Variants in THSD4 observed in about 807,000 individuals in gnomAD.
The protein encoded by THSD4 is thrombospondin type 1 domain containing 4.
Under a neutral mutation model 119.0 loss-of-function variants are expected in THSD4, and 69 were observed. That is an observed-to-expected ratio of 0.58 (90% CI 0.48 to 0.71). The LOEUF (loss-of-function observed/expected upper bound fraction) is 0.71, where lower values mean the gene tolerates loss of function less well. Ranked by LOEUF, THSD4 falls within the 30% of genes least tolerant of loss-of-function variation. The pLI, the probability that THSD4 is intolerant of heterozygous loss-of-function variation, is 0.00. For missense variants in THSD4, 1,393 were observed against 1,391.1 expected (o/e 1.00, Z -0.02); for synonymous variants, 524 against 540.4 (o/e 0.97, Z 0.42).
intron 7 of THSD4, among the ~76,000 whole-genome samples, chr15:71,578,670 G>A (rs2049501352): frequency 6.6e-6 from 1 of 151,836 alleles, no homozygotes; most frequent in African/African-American, 2.4e-5. Flanking sequence ...CTTCTTAAGT[G>A]GCCTACGACG....
intron 6 of THSD4, among the ~76,000 whole-genome samples, chr15:71,338,688 A>G (rs1264421726): frequency 1.3e-5 from 2 of 152,248 alleles, no homozygotes; most frequent in East Asian, 3.9e-4. Flanking sequence ...TCTGTGCCCA[A>G]ACACTGAGAT....
At chr15:71,198,268 A>C (rs2043736962) in intron 3 of THSD4, among the ~76,000 whole-genome samples, 1 of 151,810 alleles carries the variant, frequency 6.6e-6, no homozygotes, top group African/African-American at 2.4e-5. Context: ...CACTGTCTTT[A>C]GAGAAAAAAA....
At chr15:71,500,567 A>G (rs2048095334) in intron 7 of THSD4, among the ~76,000 whole-genome samples, 1 of 152,206 alleles carries the variant, frequency 6.6e-6, no homozygotes, top group Non-Finnish European at 1.5e-5. Context: ...AATGTCACGA[A>G]GGTTTTCCAG....
At chr15:71,586,609 C>T (rs1437853957) in intron 7 of THSD4, among the ~76,000 whole-genome samples, 1 of 152,176 alleles carries the variant, frequency 6.6e-6, no homozygotes, top group African/African-American at 2.4e-5. Flanking sequence ...ATACTTCAAA[C>T]CTGTGACCAG....
intron 6 of THSD4, among the ~76,000 whole-genome samples, chr15:71,369,663 G>A (rs2046016043): frequency 6.6e-6 from 1 of 152,176 alleles, no homozygotes; most frequent in Non-Finnish European, 1.5e-5. Flanking sequence ...GCTTTTTGAT[G>A]TGCTGCTGGA....
chr15:71,402,210 C>G (rs2046545515), intron 6 of THSD4, among the ~76,000 whole-genome samples: 1 of 150,796 alleles, frequency 6.6e-6, no homozygotes, highest in African/African-American at 2.4e-5. Flanking sequence ...ATGTAACAAA[C>G]CTGTTAAAGT....
At chr15:71,176,074 A>C (rs1392374831) in intron 3 of THSD4, among the ~76,000 whole-genome samples, 20 of 141,594 alleles carry the variant, frequency 1.4e-4, no homozygotes, top group East Asian at 4.2e-4. Flanking sequence ...AAGAAACTGC[A>C]TCAACTAATG....
At chr15:71,623,104 T>C (rs2050447901) in intron 7 of THSD4, among the ~76,000 whole-genome samples, 1 of 152,066 alleles carries the variant, frequency 6.6e-6, no homozygotes, top group South Asian at 2.1e-4. Context: ...AGCCATATTT[T>C]AAGAAAATTA....
chr15:71,345,401 G>A (rs1272890643), intron 6 of THSD4, among the ~76,000 whole-genome samples: 1 of 152,014 alleles, frequency 6.6e-6, no homozygotes, highest in African/African-American at 2.4e-5. Flanking sequence ...GGAGAGTGCT[G>A]ACCTCTGTGA....
At position 71,587,801 on chromosome 15, in the gene THSD4, A is replaced by AG. The variant is rs1491358316; in HGVS notation, c.1153-72729_1153-72728insG. 4.8e-3 allele frequency among the ~76,000 whole-genome samples: 307 copies of AG among 63,880 alleles called. 2 individuals are homozygous for AG. The highest frequency in any genetic ancestry group is 0.012 in the African/African-American group (218 of 18,222). The allele number at this position is 63,880 out of a possible 152,430, so 41.9% of individuals were successfully genotyped here. A position where few individuals can be genotyped will look rare whatever the true frequency, so the allele number is the denominator to read the frequency against. On this transcript the variant is annotated intron_variant, in intron 7 of 17. Coordinates refer to ENST00000261862, the MANE Select transcript of THSD4 (RefSeq NM_024817.3). ...AAAAAAAAAATTAAAAAAAAAAAAG[A>AG]AAAAAAAAAAAGAAAAACCAAAAAA... is the stretch of plus-strand genomic sequence containing the variant.
chr15:71,369,546 G>A (rs1284624211), intron 6 of THSD4, among the ~76,000 whole-genome samples: 1 of 152,108 alleles, frequency 6.6e-6, no homozygotes, highest in Non-Finnish European at 1.5e-5. Flanking sequence ...TAATCATGTG[G>A]TTTTTGTCGT....
chr15:71,343,201 T>C (rs949204186), intron 6 of THSD4, among the ~76,000 whole-genome samples: 4 of 152,106 alleles, frequency 2.6e-5, no homozygotes, highest in African/African-American at 7.2e-5. Context: ...CTGCATAATA[T>C]AGCGAGACCC....
chr15:71,761,462 T>C (rs998446121), intron 15 of THSD4, among the ~76,000 whole-genome samples: 3 of 152,192 alleles, frequency 2.0e-5, no homozygotes, highest in Non-Finnish European at 2.9e-5. Flanking sequence ...TAGATTTAAA[T>C]TTTAAAATAG....
At chr15:71,556,715 T>C (rs940746810) in intron 7 of THSD4, among the ~76,000 whole-genome samples, 7 of 150,576 alleles carry the variant, frequency 4.6e-5, no homozygotes, top group Non-Finnish European at 8.8e-5. Context: ...CAGTGAGCCA[T>C]GATCATACCG....
chr15:71,443,846 TA>T (rs1472942504), intron 7 of THSD4, among the ~76,000 whole-genome samples: 1 of 152,240 alleles, frequency 6.6e-6, no homozygotes, highest in African/African-American at 2.4e-5. Flanking sequence ...CAAAGGTGCA[TA>T]ACAAATACTC....
In THSD4 at chr15:71,660,663, G is replaced by A. The variant is rs756810656; in HGVS notation, c.1286G>A (p.Arg429His). The A allele has an allele frequency of 3.0e-5, 49 of 1,614,042 alleles. No homozygotes were observed. The highest frequency in any genetic ancestry group is 3.7e-5 in the Non-Finnish European group (44 of 1,180,018). ...GCCCTCACCAGCCTGGGCTACCACC[G>A]CGTCGTGGAGATTCCCGAGGGAGCC... Reference protein sequence around the residue: ...KHALTSLGYHRVVEIPEGATK... With the variant: ...KHALTSLGYHHVVEIPEGATK... Residue 429 changes from arginine to histidine, a missense_variant, in exon 8 of 18, where the codon CGC becomes CAC. Transcript: ENST00000261862.
At chr15:71,408,355 C>A (rs2046635935) in intron 6 of THSD4, among the ~76,000 whole-genome samples, 1 of 152,108 alleles carries the variant, frequency 6.6e-6, no homozygotes, top group Non-Finnish European at 1.5e-5. Context: ...ACCTCAGCCT[C>A]CTGAGTAGCT....
At chr15:71,391,099 G>C (rs905318350) in intron 6 of THSD4, among the ~76,000 whole-genome samples, 1 of 151,048 alleles carries the variant, frequency 6.6e-6, no homozygotes, top group African/African-American at 2.4e-5. Context: ...CACAATCTCG[G>C]CTCACTGCAA....
intron 3 of THSD4, among the ~76,000 whole-genome samples, chr15:71,180,751 G>A (rs1002031987): frequency 7.2e-5 from 11 of 152,140 alleles, no homozygotes; most frequent in Admixed American, 4.6e-4. Flanking sequence ...AATCAGAATA[G>A]TGGATACCAA....
Sources: gnomAD v4.1 joint callset for allele counts (sites outside exome capture counted in the v4.1 genomes callset) on GRCh38, gnomAD v4.1.1 for gene constraint, MANE v1.5 for transcripts, NCBI Gene and HGNC (gene_info 2026-07-23, HGNC 2026-07-21) for gene names.